The following ARL3 variants were observed in gnomAD, a reference collection of about 807,000 sequenced individuals.
ARL3 encodes ADP-ribosylation factor-like protein 3.
ARL3 carries 9 observed loss-of-function variants against 26.0 expected under a neutral mutation model. The observed-to-expected ratio is 0.35, with a 90% CI of 0.21 to 0.60. The LOEUF (loss-of-function observed/expected upper bound fraction) is 0.60, where lower values mean the gene tolerates loss of function less well. Ranked by LOEUF, ARL3 falls within the 20% of genes least tolerant of loss-of-function variation. The pLI is 0.78. For missense variants in ARL3, 158 were observed against 215.7 expected (o/e 0.73, Z 1.67); for synonymous variants, 71 against 78.4 (o/e 0.91, Z 0.50).
chr10:102,678,593 A>G (rs1279867854), intron 5 of ARL3, among the ~76,000 whole-genome samples: 1 of 152,176 alleles, frequency 6.6e-6, no homozygotes, highest in Non-Finnish European at 1.5e-5. Context: ...TCTCTCCTCT[A>G]CGGAGGCTCG....
At position 102,674,649 on chromosome 10, in the gene ARL3, AG is replaced by A. The variant is rs2064121481; in HGVS notation, c.*2244del. 1 of 152,236 alleles carries A rather than the reference AG, an allele frequency of 6.6e-6. No individual in the cohort carries two copies. Among genetic ancestry groups the A allele is most frequent in the Non-Finnish European group, 1.5e-5 (1 of 68,066 alleles). 9.4% of individuals were successfully genotyped at this position (152,236 alleles called of 1,614,324 possible). On this transcript the variant is annotated 3_prime_UTR_variant, in exon 6 of 6. Coordinates refer to ENST00000260746, the MANE Select transcript of ARL3 (RefSeq NM_004311.4). ...GGCAGGAGTGGGCAGGGAAGAGGCAAGAGGGCTTTAAAAAGTATTTTGTTTT... is the reference window on the plus strand; with the variant it reads ...GGCAGGAGTGGGCAGGGAAGAGGCAAAGGGCTTTAAAAAGTATTTTGTTTT...
intron 5 of ARL3, among the ~76,000 whole-genome samples, chr10:102,681,880 G>A (rs2064157576): frequency 6.6e-6 from 1 of 152,152 alleles, no homozygotes; most frequent in Non-Finnish European, 1.5e-5. Flanking sequence ...CAAATGCCTG[G>A]AACTGTAACA....
At chr10:102,702,096 T>C (rs978675519) in intron 2 of ARL3, among the ~76,000 whole-genome samples, 2 of 150,064 alleles carry the variant, frequency 1.3e-5, no homozygotes, top group African/African-American at 4.9e-5. Context: ...GAGCCTGAGG[T>C]GGGAAGATTG....
chr10:102,680,366 C>A (rs1045544722), intron 5 of ARL3, among the ~76,000 whole-genome samples: 2 of 152,158 alleles, frequency 1.3e-5, no homozygotes, highest in African/African-American at 4.8e-5. Context: ...CTCCCCTGAC[C>A]AATCTTGCTG....
chr10:102,699,557 T>A, intron 2 of ARL3, 68 bp from the exon 3 acceptor site: 1 of 847,308 alleles, frequency 1.2e-6, no homozygotes, highest in Non-Finnish European at 1.9e-6. Flanking sequence ...AAGTTACATT[T>A]AATAGCTATG....
chr10:102,685,766 C>T, intron 5 of ARL3, 50 bp downstream of exon 5: 1 of 1,534,954 alleles, frequency 6.5e-7, no homozygotes, highest in Non-Finnish European at 8.8e-7. Context: ...GACAGACCAC[C>T]TCGGTTAGCT....
At chr10:102,686,555 C>T (rs1447195032) in intron 4 of ARL3, among the ~76,000 whole-genome samples, 1 of 150,584 alleles carries the variant, frequency 6.6e-6, no homozygotes, top group Non-Finnish European at 1.5e-5. Flanking sequence ...CCTTTCACCT[C>T]CCAGGTTCAA....
intron 3 of ARL3, among the ~76,000 whole-genome samples, chr10:102,696,732 G>A (rs550793047): frequency 1.1e-4 from 16 of 152,322 alleles, no homozygotes; most frequent in South Asian, 4.1e-4. Flanking sequence ...CATTGTTTCC[G>A]GAGGAATGGG....
At chr10:102,711,336 G>A (rs5010584) in intron 1 of ARL3, among the ~76,000 whole-genome samples, 43 of 71,338 alleles carry the variant, frequency 6.0e-4, no homozygotes, top group Non-Finnish European at 7.6e-4. Flanking sequence ...GTGTGTGTGT[G>A]TATATATATA....
intron 1 of ARL3, among the ~76,000 whole-genome samples, chr10:102,710,518 A>G (rs541091488): frequency 2.0e-5 from 3 of 152,272 alleles, no homozygotes; most frequent in Non-Finnish European, 4.4e-5. Context: ...TGAGTTTTGC[A>G]GTATAAATAC....
At chr10:102,688,581 A>C (rs865838007) in intron 4 of ARL3, among the ~76,000 whole-genome samples, 18 of 150,788 alleles carry the variant, frequency 1.2e-4, no homozygotes, top group Admixed American at 8.6e-4. Context: ...GGCTCAGTGC[A>C]ACCTCTGCAG....
Position 102,689,926 on chromosome 10 carries a change from A to G in ARL3, c.282T>C (p.Ser94=), listed in dbSNP as rs2064208034. 1.3e-6 allele frequency: 2 copies of G among 1,597,422 alleles called. No individual in the cohort carries two copies. The highest frequency in any genetic ancestry group is 1.3e-5 in the African/African-American group (1 of 74,148). ...TCTCTTCAAATCTTTTTCTGTCTGC[A>G]CTGTCGATTACATATATCTATAAAG... ...NTDILIYVID[S]ADRKRFEETG... is the part of the protein sequence containing the mutation. The change falls in exon 4 of 6, where the codon AGT becomes AGC. Residue 94 remains serine (S), a synonymous_variant. Coordinates refer to ENST00000260746, the MANE Select transcript of ARL3 (RefSeq NM_004311.4).
intron 5 of ARL3, among the ~76,000 whole-genome samples, chr10:102,682,100 G>A (rs191734340): frequency 6.6e-6 from 1 of 152,296 alleles, no homozygotes; most frequent in East Asian, 1.9e-4. Context: ...CGAGGGCGCA[G>A]AGTGACACTT....
intron 3 of ARL3, among the ~76,000 whole-genome samples, chr10:102,695,474 G>A (rs2136003329): frequency 6.6e-6 from 1 of 152,256 alleles, no homozygotes; most frequent in East Asian, 1.9e-4. Context: ...ATATCCTGCA[G>A]CCTTGGTATG....
At chr10:102,705,257 G>C (rs1183166582) in intron 2 of ARL3, 89 bp downstream of exon 2, 2 of 1,406,326 alleles carry the variant, frequency 1.4e-6, no homozygotes, top group Non-Finnish European at 1.9e-6. Flanking sequence ...ACTTGGAAGT[G>C]GACAAAACTG....
At position 102,694,918 on chromosome 10, in the gene ARL3, C is replaced by T. The variant is rs141801259; in HGVS notation, c.264+4455G>A. 1.4e-3 allele frequency among the ~76,000 whole-genome samples: 213 copies of T among 152,262 alleles called. 1 individual carries two copies. Among genetic ancestry groups the T allele is most frequent in the African/African-American group, 4.8e-3 (201 of 41,544 alleles). ...ATTTTTAATACAGATGGGGTTTCACCCCATTGGCCAGGCTGCTCTTGAACT... is the reference window on the plus strand; with the variant it reads ...ATTTTTAATACAGATGGGGTTTCACTCCATTGGCCAGGCTGCTCTTGAACT... On this transcript the variant is annotated intron_variant, in intron 3 of 5. Transcript: ENST00000260746.
Position 102,703,425 on chromosome 10 carries a change from C to CTTTTTTTTTTTT in ARL3, c.147+1909_147+1920dup, listed in dbSNP as rs57721161. 1.4e-4 allele frequency among the ~76,000 whole-genome samples: 7 copies of CTTTTTTTTTTTT among 48,486 alleles called. 3 individuals carry two copies. Among genetic ancestry groups the CTTTTTTTTTTTT allele is most frequent in the African/African-American group, 1.7e-4 (2 of 11,904 alleles). 31.8% of individuals were successfully genotyped at this position (48,486 alleles called of 152,430 possible). ...ATGAGCCATGGTGCCCAGGACTTGTCTTTTTTTTTTTTTTTTTTTTTTTTT... is the reference window on the plus strand; with the variant it reads ...ATGAGCCATGGTGCCCAGGACTTGTCTTTTTTTTTTTTTTTTTTTTTTTTTTTTTTTTTTTTT... On this transcript the variant is annotated intron_variant, in intron 2 of 5. Coordinates refer to ENST00000260746, the MANE Select transcript of ARL3 (RefSeq NM_004311.4).
At chr10:102,703,229 C>CTCCT (rs1257637107) in intron 2 of ARL3, among the ~76,000 whole-genome samples, 1 of 144,874 alleles carries the variant, frequency 6.9e-6, no homozygotes, top group Non-Finnish European at 1.5e-5. Flanking sequence ...TCAAGCCATT[C>CTCCT]TCCTGCCTCA....
rs2064123168 is a variant in ARL3, at chr10:102,674,992, C to T, written c.*1902G>A. 6.6e-6 allele frequency: 1 copy of T among 152,248 alleles called. No homozygotes were observed. The highest frequency in any genetic ancestry group is 6.5e-5 in the Admixed American group (1 of 15,286). The allele number at this position is 152,248 out of a possible 1,614,324, so 9.4% of individuals were successfully genotyped here. ...TGTTCCAAAATTGCAGACCTCCAAG[C>T]AGGCATTTTGCCCCTCAGATAACTT... On this transcript the variant is annotated 3_prime_UTR_variant, in exon 6 of 6. Transcript: ENST00000260746.
Sources: allele counts gnomAD v4.1 joint callset (sites outside exome capture counted in the v4.1 genomes callset), GRCh38; gene constraint gnomAD v4.1.1; transcripts MANE v1.5; gene names NCBI Gene and HGNC (gene_info 2026-07-23, HGNC 2026-07-21).